The following CLSTN2 variants were observed in gnomAD, a reference collection of about 807,000 sequenced individuals.
CLSTN2 encodes calsyntenin 2.
CLSTN2 carries 48 observed loss-of-function variants against 101.2 expected under a neutral mutation model. The observed-to-expected ratio is 0.47, with a 90% confidence interval of 0.38 to 0.60. The LOEUF (loss-of-function observed/expected upper bound fraction) is 0.60. CLSTN2 is among the 20% of genes least tolerant of loss of function. The pLI, the probability that CLSTN2 is intolerant of heterozygous loss-of-function variation, is 0.00. For missense variants in CLSTN2, 1,160 were observed against 1,238.2 expected (o/e 0.94, Z 0.95); for synonymous variants, 481 against 463.6 (o/e 1.04, Z -0.48).
At chr3:140,284,326 C>T (rs1328800410) in intron 2 of CLSTN2, among the ~76,000 whole-genome samples, 1 of 152,066 alleles carries the variant, frequency 6.6e-6, no homozygotes, top group African/African-American at 2.4e-5. Flanking sequence ...GCCATAATTG[C>T]TTGTTAAATT....
chr3:140,053,384 T>C (rs2008038514), intron 1 of CLSTN2, among the ~76,000 whole-genome samples: 1 of 152,120 alleles, frequency 6.6e-6, no homozygotes, highest in Admixed American at 6.5e-5. Flanking sequence ...AGTTACTGGA[T>C]TGTGTCTGAG....
At chr3:140,515,362 T>C (rs1934897674) in intron 8 of CLSTN2, among the ~76,000 whole-genome samples, 1 of 152,142 alleles carries the variant, frequency 6.6e-6, no homozygotes, top group African/African-American at 2.4e-5. Flanking sequence ...TTTGTTTCAG[T>C]TTCATTTAGT....
intron 8 of CLSTN2, among the ~76,000 whole-genome samples, chr3:140,473,947 G>GT (rs1012960646): frequency 1.3e-5 from 2 of 151,588 alleles, no homozygotes; most frequent in East Asian, 1.9e-4. Flanking sequence ...TGTTTGTTTG[G>GT]TTTTTTTTAG....
At chr3:140,434,570 G>T (rs895531309) in intron 5 of CLSTN2, among the ~76,000 whole-genome samples, 4 of 152,106 alleles carry the variant, frequency 2.6e-5, no homozygotes, top group Admixed American at 6.5e-5. Context: ...GCTTGAGAAA[G>T]CTTCCCCAAG....
At chr3:140,172,727 G>C (rs1208761990) in intron 1 of CLSTN2, among the ~76,000 whole-genome samples, 3 of 152,204 alleles carry the variant, frequency 2.0e-5, no homozygotes, top group Non-Finnish European at 4.4e-5. Flanking sequence ...GGAAGATCAA[G>C]TCCCATCTTA....
chr3:140,548,443 T>TCCCA (rs1935644282), intron 10 of CLSTN2, among the ~76,000 whole-genome samples: 1 of 152,132 alleles, frequency 6.6e-6, no homozygotes, highest in African/African-American at 2.4e-5. Flanking sequence ...GAGTTAGTGA[T>TCCCA]GAGTAGATTC....
intron 8 of CLSTN2, among the ~76,000 whole-genome samples, chr3:140,504,399 C>A (rs1380307930): frequency 1.3e-5 from 2 of 151,966 alleles, no homozygotes; most frequent in Admixed American, 1.3e-4. Context: ...CTATTCTGGC[C>A]ACTGCTTTTT....
At chr3:140,339,878 A>T (rs2087475146) in intron 2 of CLSTN2, among the ~76,000 whole-genome samples, 1 of 152,224 alleles carries the variant, frequency 6.6e-6, no homozygotes, top group Non-Finnish European at 1.5e-5. Flanking sequence ...ACACTGCCTT[A>T]TGCAGGAAAA....
At chr3:140,120,178 G>A (rs146349078) in intron 1 of CLSTN2, among the ~76,000 whole-genome samples, 1 of 152,252 alleles carries the variant, frequency 6.6e-6, no homozygotes, top group East Asian at 1.9e-4. Context: ...CCAGATACTA[G>A]CCTTGGGTCC....
intron 2 of CLSTN2, among the ~76,000 whole-genome samples, chr3:140,334,032 G>C (rs1214562907): frequency 1.3e-5 from 2 of 152,146 alleles, no homozygotes; most frequent in Non-Finnish European, 2.9e-5. Flanking sequence ...AAGAAGGCGG[G>C]GGGTAGAAGC....
At chr3:140,412,423 A>C (rs1166240922) in intron 4 of CLSTN2, among the ~76,000 whole-genome samples, 4 of 152,212 alleles carry the variant, frequency 2.6e-5, no homozygotes, top group Admixed American at 2.6e-4. Flanking sequence ...GTCCATGCAG[A>C]GTATGAGGGG....
chr3:140,122,191 G>A (rs2009353525), intron 1 of CLSTN2, among the ~76,000 whole-genome samples: 1 of 152,148 alleles, frequency 6.6e-6, no homozygotes, highest in Admixed American at 6.6e-5. Context: ...GCTTCCATGG[G>A]TGCACACCAG....
intron 2 of CLSTN2, among the ~76,000 whole-genome samples, chr3:140,249,848 G>C (rs2086547543): frequency 6.6e-6 from 1 of 152,162 alleles, no homozygotes; most frequent in Non-Finnish European, 1.5e-5. Flanking sequence ...AAAGGGTTTA[G>C]AAAGGCCTGA....
In CLSTN2 at chr3:140,125,626, T is replaced by A. The variant is rs536231152; in HGVS notation, c.110-50325T>A. On this transcript the variant is annotated intron_variant, in intron 1 of 16. Transcript: ENST00000458420. ...AGGTGTGAACTAATCACATGGGGAG[T>A]GAGACAGCAAATTTACTGGGGAAAT... is the stretch of plus-strand genomic sequence containing the variant. Among the ~76,000 whole-genome samples the A allele has an allele frequency of 1.7e-3, 255 of 151,762 alleles. 2 individuals carry two copies. Among genetic ancestry groups the A allele is most frequent in the African/African-American group, 3.9e-3 (162 of 41,378 alleles).
intron 1 of CLSTN2, among the ~76,000 whole-genome samples, chr3:140,041,397 TA>T (rs1576406538): frequency 6.6e-6 from 1 of 152,136 alleles, no homozygotes; most frequent in Non-Finnish European, 1.5e-5. Flanking sequence ...TGTCTCTCCA[TA>T]TCCAGGAAGT....
chr3:140,551,459 C>T (rs1181336773), intron 10 of CLSTN2, among the ~76,000 whole-genome samples: 5 of 151,648 alleles, frequency 3.3e-5, no homozygotes, highest in African/African-American at 9.7e-5. Context: ...CTGAGTAATA[C>T]CCTGTTCTGA....
chr3:140,116,228 T>A (rs2107796997), intron 1 of CLSTN2, among the ~76,000 whole-genome samples: 1 of 152,326 alleles, frequency 6.6e-6, no homozygotes, highest in African/African-American at 2.4e-5. Context: ...AGAAACTTAT[T>A]CTTTAAACTC....
chr3:140,565,992 G>C (rs1936017992), intron 16 of CLSTN2, 61 bp from the exon 17 acceptor site: 1 of 1,603,862 alleles, frequency 6.2e-7, no homozygotes, highest in East Asian at 2.2e-5. Context: ...AGAGACATAA[G>C]CTCCAAAATG....
chr3:139,971,483 C>T (rs772084875), intron 1 of CLSTN2, among the ~76,000 whole-genome samples: 1 of 152,118 alleles, frequency 6.6e-6, no homozygotes, highest in Admixed American at 6.5e-5. Flanking sequence ...TGGGAAGATC[C>T]CTGTCTGCAA....
Sources: gnomAD v4.1 joint callset for allele counts (sites outside exome capture counted in the v4.1 genomes callset) on GRCh38, gnomAD v4.1.1 for gene constraint, MANE v1.5 for transcripts, NCBI Gene and HGNC (gene_info 2026-07-23, HGNC 2026-07-21) for gene names.